The following CYP11B1 variants were observed in gnomAD, a reference collection of about 807,000 sequenced individuals.
CYP11B1 encodes cytochrome P450 11B1, mitochondrial.
In CYP11B1, 34 loss-of-function variants were observed where a neutral mutation model predicts 48.3. That is an observed-to-expected ratio of 0.70 (90% CI 0.54 to 0.94). CYP11B1 has a LOEUF of 0.94. Ranked by LOEUF, CYP11B1 falls within the 40% of genes least tolerant of loss-of-function variation. The probability of loss-of-function intolerance (pLI) is 0.00; values close to 1 mark genes in which losing one functional copy is unlikely to be tolerated. For missense variants in CYP11B1, 688 were observed against 657.4 expected (o/e 1.05, Z -0.51); for synonymous variants, 291 against 262.5 (o/e 1.11, Z -1.05).
Position 142,879,607 on chromosome 8 carries a change from G to A in CYP11B1, c.207C>T (p.His69=). 1 of 1,614,230 alleles carries A rather than the reference G, an allele frequency of 6.2e-7. No homozygotes were observed. The highest frequency in any genetic ancestry group is 1.3e-5 in the African/African-American group (1 of 75,066). Residue 69 remains histidine (H), a synonymous_variant, in exon 1 of 9, where the codon CAC becomes CAT. Coordinates refer to ENST00000292427, the MANE Select transcript of CYP11B1 (RefSeq NM_000497.4). ...TGGGCCCTAGTTCCTGGAAGGTCTGGTGTACTTCCAGGTGCAGGTCCTCAT... is the reference window on the plus strand; with the variant it reads ...TGGGCCCTAGTTCCTGGAAGGTCTGATGTACTTCCAGGTGCAGGTCCTCAT... ...QGYEDLHLEV[H]QTFQELGPIF...
In CYP11B1 at chr8:142,879,175, TC is replaced by T; in HGVS notation, c.251del (p.Gly84GlufsTer8). The T allele has an allele frequency of 6.2e-7, 1 of 1,613,842 alleles. No homozygotes were observed. Among genetic ancestry groups the T allele is most frequent in the African/African-American group, 1.3e-5 (1 of 75,008 alleles). ...ELGPIFRYDLGGAGMVCVMLP... is the reference protein window; with the variant it reads ...ELGPIFRYDLXGAGMVCVMLP... ...GCATCACACACACCATGCCTGCTCCTCCCAAGTCGTACCTGTGGGGCCAAGC... is the reference window on the plus strand; with the variant it reads ...GCATCACACACACCATGCCTGCTCCTCCAAGTCGTACCTGTGGGGCCAAGC... On this transcript the variant is annotated frameshift_variant, in exon 2 of 9. Transcript: ENST00000292427. LOFTEE classifies it high-confidence loss of function.
At chr8:142,879,227 G>A (rs772655189) in intron 1 of CYP11B1, 40 bp from the exon 2 acceptor site, 10 of 1,613,232 alleles carry the variant, frequency 6.2e-6, no homozygotes, top group African/African-American at 5.3e-5. Context: ...ATGGGACCAT[G>A]TCCCCGCTAG....
chr8:142,874,911 C>G (rs1291786158), intron 8 of CYP11B1, 46 bp downstream of exon 8: 2 of 1,606,892 alleles, frequency 1.2e-6, no homozygotes, highest in Non-Finnish European at 1.7e-6. Flanking sequence ...CCCGCCCATG[C>G]TGCCCAGACC....
In CYP11B1 at chr8:142,876,498, C is replaced by G. The variant is rs61752760; in HGVS notation, c.800-103G>C. 2.9e-3 allele frequency: 4,395 copies of G among 1,540,472 alleles called. 12 individuals carry two copies. The highest frequency in any genetic ancestry group is 8.2e-3 in the Middle Eastern group (44 of 5,340). On this transcript the variant is annotated intron_variant, in intron 4 of 8. Coordinates refer to ENST00000292427, the MANE Select transcript of CYP11B1 (RefSeq NM_000497.4). ...GCCCCGACACCCAAGTCTCCCTGCT[C>G]TCATCCCAAATTCTCCGGATCAGCC...
chr8:142,879,394 C>G, intron 1 of CYP11B1, 181 bp downstream of exon 1: 4 of 1,611,720 alleles, frequency 2.5e-6, no homozygotes, highest in South Asian at 1.1e-5. Context: ...GGGATTTGCT[C>G]TGCACCATCC....
rs200473174 is a variant in CYP11B1, at chr8:142,876,402, G to A, written c.800-7C>T. The A allele has an allele frequency of 4.0e-5, 64 of 1,612,334 alleles. No homozygotes were observed. The Admixed American group carries it at 4.0e-4, about 10-fold the overall frequency. ...TTCTGGATACAGTTGTCGCCTATCC[G>A]GGGAGCGGGAGGCAGCCCTCAGACT... On this transcript the variant is annotated splice_polypyrimidine_tract_variant and splice_region_variant and intron_variant, in intron 4 of 8. Transcript: ENST00000292427.
Position 142,875,387 on chromosome 8 carries a change from G to C in CYP11B1, c.1122-75C>G, listed in dbSNP as rs28418310. 55,639 of 1,458,698 alleles carry C rather than the reference G, an allele frequency of 0.038. 4,738 individuals are homozygous for C. The East Asian group carries it at 0.42, about 11-fold the overall frequency. The allele number at this position is 1,458,698 out of a possible 1,614,324, so 90.4% of individuals were successfully genotyped here. A position where few individuals can be genotyped will look rare whatever the true frequency, so the allele number is the denominator to read the frequency against. On this transcript the variant is annotated intron_variant, in intron 6 of 8. Coordinates refer to ENST00000292427, the MANE Select transcript of CYP11B1 (RefSeq NM_000497.4). ...CTGTGCTCTCTGCACCCTTCCTACCGAAGAACCCGCAGAGGTCCCAGATCC... is the reference window on the plus strand; with the variant it reads ...CTGTGCTCTCTGCACCCTTCCTACCCAAGAACCCGCAGAGGTCCCAGATCC...
At chr8:142,878,635 G>A (rs1817040058) in intron 2 of CYP11B1, among the ~76,000 whole-genome samples, 1 of 152,184 alleles carries the variant, frequency 6.6e-6, no homozygotes, top group African/African-American at 2.4e-5. Flanking sequence ...TGCGGCCCCG[G>A]CGAACACCAG....
intron 4 of CYP11B1, 126 bp downstream of exon 4, chr8:142,876,556 G>C: frequency 6.5e-7 from 1 of 1,549,556 alleles, no homozygotes; most frequent in Non-Finnish European, 8.7e-7. Flanking sequence ...CAATCTCCCT[G>C]GCAGGAAGGT....
Position 142,872,909 on chromosome 8 carries a change from T to C in CYP11B1, c.*1464A>G, listed in dbSNP as rs61752813. 5.8e-4 allele frequency: 89 copies of C among 152,338 alleles called. No homozygotes were observed. The highest frequency in any genetic ancestry group is 2.1e-3 in the African/African-American group (88 of 41,572). The allele number at this position is 152,338 out of a possible 1,614,324, so 9.4% of individuals were successfully genotyped here. A position where few individuals can be genotyped will look rare whatever the true frequency, so the allele number is the denominator to read the frequency against. On this transcript the variant is annotated 3_prime_UTR_variant, in exon 9 of 9. Coordinates refer to ENST00000292427, the MANE Select transcript of CYP11B1 (RefSeq NM_000497.4). Reference sequence around the variant, plus strand: ...TGAGCTGTCTTGCCCTTTTCCACCATGTGAGGACACAGCAAGAAGGTTTTA... The same window carrying C: ...TGAGCTGTCTTGCCCTTTTCCACCACGTGAGGACACAGCAAGAAGGTTTTA...
At chr8:142,876,139 C>G (rs1816940045) in intron 5 of CYP11B1, 102 bp downstream of exon 5, 1 of 1,509,356 alleles carries the variant, frequency 6.6e-7, no homozygotes, top group Non-Finnish European at 9.2e-7. Context: ...GGGCCCATAG[C>G]CTGGGGATGG....
Position 142,875,050 on chromosome 8 carries a change from G to T in CYP11B1, c.1305C>A (p.Gly435=), listed in dbSNP as rs1413576799. 1 of 1,614,260 alleles carries T rather than the reference G, an allele frequency of 6.2e-7. No individual in the cohort carries two copies. The highest frequency in any genetic ancestry group is 1.7e-5 in the Admixed American group (1 of 60,034). The change falls in exon 8 of 9, where the codon GGC becomes GGA. Residue 435 remains glycine, a synonymous_variant. Coordinates refer to ENST00000292427, the MANE Select transcript of CYP11B1 (RefSeq NM_000497.4). ...CAAAGGGCACGTGGTAGAAGTTCCTGCCGGAGCCCCTGATGTCTAGCCAGC... is the reference window on the plus strand; with the variant it reads ...CAAAGGGCACGTGGTAGAAGTTCCTTCCGGAGCCCCTGATGTCTAGCCAGC... ...PQRWLDIRGS[G]RNFYHVPFGF...
rs1442430126 is a variant in CYP11B1 at position 142,874,265 on chromosome 8, G to A, written c.*108C>T. ...CATTTGTGCTGGGGCTGGTTAGACA[G>A]AGGGGTGACTCAGGAAGCTGTGCAT... is the stretch of plus-strand genomic sequence containing the variant. On this transcript the variant is annotated 3_prime_UTR_variant, in exon 9 of 9. Transcript: ENST00000292427. The A allele has an allele frequency of 2.5e-6, 2 of 815,134 alleles. No individual in the cohort carries two copies. The highest frequency in any genetic ancestry group is 1.7e-5 in the African/African-American group (1 of 59,870). 50.5% of individuals were successfully genotyped at this position (815,134 alleles called of 1,614,324 possible).
intron 4 of CYP11B1, 104 bp downstream of exon 4, chr8:142,876,578 G>C (rs1304317646): frequency 2.0e-5 from 31 of 1,552,372 alleles, no homozygotes; most frequent in Middle Eastern, 2.1e-4. Context: ...AGGAATCCCC[G>C]ACCCCTCCCT....
chr8:142,879,315 C>G (rs750322579), intron 1 of CYP11B1, 128 bp from the exon 2 acceptor site: 3 of 1,605,804 alleles, frequency 1.9e-6, no homozygotes, highest in African/African-American at 1.3e-5. Flanking sequence ...ACAGCTAAAG[C>G]CCTCTTGCTG....
At position 142,875,098 on chromosome 8, in the gene CYP11B1, C is replaced by A; in HGVS notation, c.1257G>T (p.Arg419Ser). 6.2e-7 allele frequency: 1 copy of A among 1,614,248 alleles called. No individual in the cohort carries two copies. ...AGCGCTGGGGGTTATAGCGCTCAGG[C>A]CTCGGGAACAAGGCGGGGTTGCGAC... Reference protein sequence around the residue: ...SLGRNPALFPRPERYNPQRWL... With the variant: ...SLGRNPALFPSPERYNPQRWL... The change falls in exon 8 of 9, where the codon AGG becomes AGT. Residue 419 changes from arginine to serine, a missense_variant. By Grantham distance (110) the Arg-to-Ser change is moderately radical (BLOSUM62 -1). Coordinates refer to ENST00000292427, the MANE Select transcript of CYP11B1 (RefSeq NM_000497.4).
Position 142,874,299 on chromosome 8 carries a change from GAA to G in CYP11B1, c.*72_*73del, listed in dbSNP as rs761179118. 10 of 1,010,772 alleles carry G rather than the reference GAA, an allele frequency of 9.9e-6. No homozygotes were observed. Among genetic ancestry groups the G allele is most frequent in the African/African-American group, 7.9e-5 (5 of 63,542 alleles). The allele number at this position is 1,010,772 out of a possible 1,614,324, so 62.6% of individuals were successfully genotyped here. On this transcript the variant is annotated 3_prime_UTR_variant, in exon 9 of 9. Transcript: ENST00000292427. ...CTCAGGAAGCTGTGCATGTGGGAGA[GAA>G]GAGGGGTGGCCTGGGGTCAGGCAGA...
intron 5 of CYP11B1, 107 bp downstream of exon 5, chr8:142,876,134 C>T (rs1250851702): frequency 2.0e-6 from 3 of 1,479,418 alleles, no homozygotes; most frequent in Non-Finnish European, 1.9e-6. Flanking sequence ...ATGTGGGGCC[C>T]ATAGCCTGGG....
In CYP11B1 at chr8:142,873,683, A is replaced by G. The variant is rs1297313158; in HGVS notation, c.*690T>C. The G allele has an allele frequency of 6.5e-6, 1 of 153,934 alleles. No individual in the cohort carries two copies. Among genetic ancestry groups the G allele is most frequent in the African/African-American group, 2.4e-5 (1 of 41,170 alleles). The allele number at this position is 153,934 out of a possible 1,614,324, so 9.5% of individuals were successfully genotyped here. A position where few individuals can be genotyped will look rare whatever the true frequency, so the allele number is the denominator to read the frequency against. On this transcript the variant is annotated 3_prime_UTR_variant, in exon 9 of 9. Transcript: ENST00000292427. Reference sequence around the variant, plus strand: ...ACAGGAAGCAGAGGACCCAACACCCACTCCTGGAACAAGGCCTGGTCCATG... The same window carrying G: ...ACAGGAAGCAGAGGACCCAACACCCGCTCCTGGAACAAGGCCTGGTCCATG...
Sources: allele counts gnomAD v4.1 joint callset (sites outside exome capture counted in the v4.1 genomes callset), GRCh38; gene constraint gnomAD v4.1.1; transcripts MANE v1.5; gene names NCBI Gene and HGNC (gene_info 2026-07-23, HGNC 2026-07-21).